Variants in ULK1 observed in about 807,000 individuals in gnomAD.
ULK1 encodes the protein unc-51 like autophagy activating kinase 1, also known as serine/threonine-protein kinase ULK1.
Under a neutral mutation model 117.5 loss-of-function variants are expected in ULK1, and 48 were observed. The ratio of observed to expected loss-of-function variants is 0.41; its 90% confidence interval spans 0.32 to 0.52. The LOEUF (loss-of-function observed/expected upper bound fraction) is 0.52, where lower values mean the gene tolerates loss of function less well. Ranked by LOEUF, ULK1 falls within the 20% of genes least tolerant of loss-of-function variation. ULK1 has a pLI of 0.29. For synonymous variants in ULK1, 790 were observed against 637.8 expected (o/e 1.24, Z -3.60); for missense variants, 1,387 against 1,473.4 (o/e 0.94, Z 0.96).
chr12:131,912,067 C>A lies in ULK1; in HGVS notation c.1074C>A (p.Val358=). ...CTTCCTGTGACACAGACGACTTCGT[C>A]ATGGTCCCCGCGCAGTTTCCAGGTC... The part of the protein sequence containing the change: ...KDSSCDTDDF[V]MVPAQFPGDL... Residue 358 remains valine, a synonymous_variant, in exon 13 of 28, where the codon GTC becomes GTA. Transcript: ENST00000321867. 6.2e-7 allele frequency: 1 copy of A among 1,612,464 alleles called. No individual in the cohort carries two copies. The highest frequency in any genetic ancestry group is 1.7e-5 in the Admixed American group (1 of 59,966).
rs1292429692 is a variant in ULK1, at chr12:131,895,799, A to G, written c.221A>G (p.Asn74Ser). Residue 74 changes from asparagine (N) to serine (S), a missense_variant, in exon 3 of 28, where the codon AAC becomes AGC. Physicochemically the swap from Asn to Ser is conservative, Grantham distance 46. Coordinates refer to ENST00000321867, the MANE Select transcript of ULK1 (RefSeq NM_003565.4). ...IKILKELKHE[N>S]IVALYDFQEM... ...CTGTCCTAGGAACTGAAACATGAAA[A>G]CATCGTGGCCCTGTACGACTTCCAG... 2 of 1,614,052 alleles carry G rather than the reference A, an allele frequency of 1.2e-6. No individual in the cohort carries two copies. Among genetic ancestry groups the G allele is most frequent in the South Asian group, 1.1e-5 (1 of 91,082 alleles).
Position 131,923,111 on chromosome 12 carries a change from G to T in ULK1, c.*1750G>T, listed in dbSNP as rs534617021. Reference sequence around the variant, plus strand: ...GATTTCCTGCCCTTTGCGTTATATTGTATAATACCAACGTAAGGAAATAAA... The same window carrying T: ...GATTTCCTGCCCTTTGCGTTATATTTTATAATACCAACGTAAGGAAATAAA... On this transcript the variant is annotated 3_prime_UTR_variant, in exon 28 of 28. Transcript: ENST00000321867. 1 of 152,180 alleles carries T rather than the reference G, an allele frequency of 6.6e-6. No homozygotes were observed. Among genetic ancestry groups the T allele is most frequent in the African/African-American group, 2.4e-5 (1 of 41,448 alleles). 9.4% of individuals were successfully genotyped at this position (152,180 alleles called of 1,614,324 possible).
In ULK1 at chr12:131,909,936, C is replaced by T. The variant is rs763032308; in HGVS notation, c.743C>T (p.Ser248Leu). ...TGCCCCAGCATCCCCCGGGAGACCT[C>T]GGCCCCGCTGCGGCAGCTGCTCCTG... ...TLVPTIPRET[S>L]APLRQLLLAL... Residue 248 changes from serine to leucine, a missense_variant, in exon 10 of 28, where the codon TCG becomes TTG. By Grantham distance (145) the Ser-to-Leu change is moderately radical (BLOSUM62 -2). Coordinates refer to ENST00000321867, the MANE Select transcript of ULK1 (RefSeq NM_003565.4). 3 of 1,612,078 alleles carry T rather than the reference C, an allele frequency of 1.9e-6. No homozygotes were observed. Among genetic ancestry groups the T allele is most frequent in the Non-Finnish European group, 2.5e-6 (3 of 1,179,800 alleles).
chr12:131,913,170 C>A (rs764640106), intron 13 of ULK1, 28 bp from the exon 14 acceptor site: 1 of 1,551,308 alleles, frequency 6.4e-7, no homozygotes, highest in South Asian at 1.2e-5. Flanking sequence ...GGCAAGGACT[C>A]CAGGCCCAGC....
intron 1 of ULK1, 124 bp from the exon 2 acceptor site, chr12:131,895,477 C>A (rs73471770): frequency 0.012 from 9,222 of 796,074 alleles, 92 homozygotes; most frequent in African/African-American, 0.034. Context: ...TGGCTCCCCA[C>A]TCGGCCTTCC....
At chr12:131,918,203 C>T (rs1889947898) in intron 22 of ULK1, 5 of 504,178 alleles carry the variant, frequency 9.9e-6, no homozygotes, top group Non-Finnish European at 1.8e-5. Flanking sequence ...AGCTGCCCTC[C>T]TCCCAGGCAG....
rs1890148216 is a variant in ULK1 at position 131,921,444 on chromosome 12, C to A, written c.*83C>A. The A allele has an allele frequency of 3.7e-5, 58 of 1,579,794 alleles. 1 individual carries two copies. In the South Asian group the frequency reaches 6.4e-4, roughly 17 times the overall value. ...TGCTGGCTGGACTCCTCGGGACAAGCCCATGGCGCTGATCGCTGGTGCTGA... is the reference window on the plus strand; with the variant it reads ...TGCTGGCTGGACTCCTCGGGACAAGACCATGGCGCTGATCGCTGGTGCTGA... On this transcript the variant is annotated 3_prime_UTR_variant, in exon 28 of 28. Transcript: ENST00000321867.
At chr12:131,896,241 G>GGGAGGGGCCGCC (rs1176278394) in intron 3 of ULK1, among the ~76,000 whole-genome samples, 64 of 152,308 alleles carry the variant, frequency 4.2e-4, no homozygotes, top group Non-Finnish European at 8.1e-4. Flanking sequence ...GACGGGGCGG[G>GGGAGGGGCCGCC]GGAGGGGCCG....
At chr12:131,900,435 A>G (rs977026476) in intron 3 of ULK1, among the ~76,000 whole-genome samples, 3 of 152,180 alleles carry the variant, frequency 2.0e-5, no homozygotes, top group Non-Finnish European at 2.9e-5. Context: ...CTTTGAGTCC[A>G]CCACAGCCGC....
Position 131,921,814 on chromosome 12 carries a change from C to T in ULK1, c.*453C>T, listed in dbSNP as rs1240139922. 1 of 483,496 alleles carries T rather than the reference C, an allele frequency of 2.1e-6. No homozygotes were observed. The highest frequency in any genetic ancestry group is 6.2e-5 in the East Asian group (1 of 16,160). The allele number at this position is 483,496 out of a possible 1,614,324, so 30.0% of individuals were successfully genotyped here. On this transcript the variant is annotated 3_prime_UTR_variant, in exon 28 of 28. Transcript: ENST00000321867. ...GGAGCCTCTCCCTCCGAGATACCCA[C>T]CCAGCTTTGTCAATCACCCAAGCAC...
In ULK1 at chr12:131,894,675, T is replaced by G. The variant is rs978685298; in HGVS notation, c.-327T>G. ...TGAGGCCCGGGCGCCGCGGCTCTTT[T>G]GTTTCTCCGTTGGGGCCGAGCCCGG... is the stretch of plus-strand genomic sequence containing the variant. On this transcript the variant is annotated 5_prime_UTR_variant, in exon 1 of 28. Coordinates refer to ENST00000321867, the MANE Select transcript of ULK1 (RefSeq NM_003565.4). 6.6e-6 allele frequency: 1 copy of G among 150,442 alleles called. No individual in the cohort carries two copies. The highest frequency in any genetic ancestry group is 6.6e-5 in the Admixed American group (1 of 15,132). The allele number at this position is 150,442 out of a possible 1,614,324, so 9.3% of individuals were successfully genotyped here.
chr12:131,906,658 G>C (rs1189316700), intron 3 of ULK1: 2 of 590,272 alleles, frequency 3.4e-6, no homozygotes, highest in South Asian at 2.0e-5. Context: ...TTGCTCTTAT[G>C]GGGGGACCAG....
In ULK1 at chr12:131,895,096, A is replaced by G. The variant is rs753405402; in HGVS notation, c.95A>G (p.Lys32Arg). Residue 32 changes from lysine (K) to arginine (R), a missense_variant, in exon 1 of 28, where the codon AAG becomes AGG. By Grantham distance (26) the Lys-to-Arg change is conservative. This residue lies in a region of ULK1 where 224 missense variants were observed against 325.2 expected (regional missense o/e 0.69). Transcript: ENST00000321867. ...CACGGCGCCTTCGCGGTGGTCTTCA[A>G]GGGCCGCCACCGCGAGGTGAGGCCC... ...IGHGAFAVVFKGRHREKHDLE... is the reference protein window; with the variant it reads ...IGHGAFAVVFRGRHREKHDLE... The G allele has an allele frequency of 6.4e-7, 1 of 1,564,340 alleles. No individual in the cohort carries two copies. Among genetic ancestry groups the G allele is most frequent in the Non-Finnish European group, 8.6e-7 (1 of 1,163,588 alleles).
chr12:131,911,456 G>A lies in ULK1; in HGVS notation c.949-486G>A, dbSNP rs551844334. Among the ~76,000 whole-genome samples, 104 of 152,354 alleles carry A rather than the reference G, an allele frequency of 6.8e-4. 1 individual carries two copies. The highest frequency in any genetic ancestry group is 3.4e-3 in the Middle Eastern group (1 of 294). ...AGGGAGCTGTGGCATCCGCAGACCT[G>A]CCCTGGGGCACTTGGGGCTTTAGCC... On this transcript the variant is annotated intron_variant, in intron 12 of 27. Coordinates refer to ENST00000321867, the MANE Select transcript of ULK1 (RefSeq NM_003565.4).
intron 24 of ULK1, 22 bp from the exon 25 acceptor site, chr12:131,919,450 C>T: frequency 1.2e-6 from 2 of 1,604,944 alleles, no homozygotes; most frequent in South Asian, 1.1e-5. Flanking sequence ...CCGGCCTCCT[C>T]TGATCTGCCT....
rs1260231123 is a variant in ULK1 at position 131,902,703 on chromosome 12, G to T, written c.247-4189G>T. ...CCCACCTCCCGGGGTGGGGGTGATGGTGCAGGGAGCCTGGTGTGTTTGATT... is the reference window on the plus strand; with the variant it reads ...CCCACCTCCCGGGGTGGGGGTGATGTTGCAGGGAGCCTGGTGTGTTTGATT... On this transcript the variant is annotated intron_variant, in intron 3 of 27. Transcript: ENST00000321867. This position sits in a 1 kb window ranked among gnomAD's most constrained non-coding sequence, Gnocchi z 6.3. 2.0e-5 allele frequency among the ~76,000 whole-genome samples: 3 copies of T among 152,136 alleles called. No individual in the cohort carries two copies. Among genetic ancestry groups the T allele is most frequent in the Non-Finnish European group, 2.9e-5 (2 of 68,016 alleles).
chr12:131,906,519 G>T (rs1407740638), intron 3 of ULK1: 9 of 254,182 alleles, frequency 3.5e-5, no homozygotes, highest in Admixed American at 2.6e-4. Flanking sequence ...ACTGCGACCA[G>T]CCCTGTTGGC....
At chr12:131,920,997 C>T (rs777799717) in intron 26 of ULK1, 103 bp from the exon 27 acceptor site, 16 of 1,429,038 alleles carry the variant, frequency 1.1e-5, no homozygotes, top group South Asian at 5.6e-5. Flanking sequence ...CTGCCCTGAG[C>T]GCCTATCTGC....
intron 20 of ULK1, 97 bp downstream of exon 20, chr12:131,916,688 A>C: frequency 7.3e-7 from 1 of 1,376,314 alleles, no homozygotes. Context: ...GAACAGGAAA[A>C]GCCCAGCCTT....
Sources: gnomAD v4.1 joint callset for allele counts (sites outside exome capture counted in the v4.1 genomes callset) on GRCh38, gnomAD v4.1.1 for gene constraint, gnomAD v4.1.1 regional missense constraint, Gnocchi (gnomAD v3.1) non-coding constraint, MANE v1.5 for transcripts, NCBI Gene and HGNC (gene_info 2026-07-23, HGNC 2026-07-21) for gene names.